FOXP2: variants seen among roughly 807,000 people sequenced by gnomAD.
FOXP2 encodes forkhead box protein P2.
In FOXP2, 12 loss-of-function variants were observed where a neutral mutation model predicts 115.8. The observed-to-expected ratio is 0.10, with a 90% CI of 0.07 to 0.17. FOXP2 has a LOEUF of 0.17. Ranked by LOEUF, FOXP2 falls within the 10% of genes least tolerant of loss-of-function variation. The probability of loss-of-function intolerance (pLI) is 1.00; values close to 1 mark genes in which losing one functional copy is unlikely to be tolerated. For synonymous variants in FOXP2, 328 were observed against 297.7 expected (o/e 1.10, Z -1.05); for missense variants, 629 against 843.5 (o/e 0.75, Z 3.15).
intron 1 of FOXP2, among the ~76,000 whole-genome samples, chr7:114,261,939 T>C (rs935985242): frequency 6.6e-5 from 10 of 152,056 alleles, no homozygotes; most frequent in Non-Finnish European, 1.5e-4. Context: ...CCACCTGTAA[T>C]CCCAGCAACT....
At chr7:114,664,533 GA>G in intron 16 of FOXP2, 97 bp downstream of exon 16, 3 of 1,412,832 alleles carry the variant, frequency 2.1e-6, no homozygotes, top group South Asian at 2.5e-5. Context: ...TGTATAAGTT[GA>G]AAATACAAAT....
At chr7:114,533,022 T>C (rs560477970) in intron 2 of FOXP2, among the ~76,000 whole-genome samples, 1 of 152,116 alleles carries the variant, frequency 6.6e-6, no homozygotes, top group East Asian at 1.9e-4. Flanking sequence ...ATTTTCAAAC[T>C]GAGCTCTATA....
chr7:114,247,343 C>T (rs1231476791), intron 1 of FOXP2, among the ~76,000 whole-genome samples: 1 of 152,136 alleles, frequency 6.6e-6, no homozygotes, highest in African/African-American at 2.4e-5. Context: ...CTTGATATTT[C>T]ACAGACATTT....
intron 2 of FOXP2, among the ~76,000 whole-genome samples, chr7:114,439,641 C>A (rs918344291): frequency 6.6e-6 from 1 of 152,060 alleles, no homozygotes; most frequent in African/African-American, 2.4e-5. Flanking sequence ...CACCTCCGGG[C>A]TAAAGCCATC....
At chr7:114,318,943 A>C (rs544827544) in intron 2 of FOXP2, among the ~76,000 whole-genome samples, 8 of 152,162 alleles carry the variant, frequency 5.3e-5, no homozygotes, top group Non-Finnish European at 7.3e-5. Flanking sequence ...CAGTAATAGG[A>C]AAACAACATC....
chr7:114,138,348 T>C (rs962928893), intron 1 of FOXP2, among the ~76,000 whole-genome samples: 26 of 151,482 alleles, frequency 1.7e-4, no homozygotes, highest in African/African-American at 5.8e-4. Flanking sequence ...TCATAGTATA[T>C]ATCCTCTGAG....
At chr7:114,211,435 T>C (rs1794346291) in intron 1 of FOXP2, among the ~76,000 whole-genome samples, 1 of 152,156 alleles carries the variant, frequency 6.6e-6, no homozygotes, top group Non-Finnish European at 1.5e-5. Flanking sequence ...CCACTTTCCT[T>C]GGCTGAGGGT....
At chr7:114,511,122 G>T (rs1798046821) in intron 2 of FOXP2, among the ~76,000 whole-genome samples, 1 of 152,038 alleles carries the variant, frequency 6.6e-6, no homozygotes, top group South Asian at 2.1e-4. Flanking sequence ...ATCAAGCACT[G>T]CATGTTCTCA....
intron 2 of FOXP2, among the ~76,000 whole-genome samples, chr7:114,515,778 C>T (rs1798310088): frequency 6.6e-6 from 1 of 152,124 alleles, no homozygotes; most frequent in Non-Finnish European, 1.5e-5. Context: ...GTGTTTTAGA[C>T]ATGAAGTCCT....
chr7:114,371,008 G>A (rs1221749789), intron 2 of FOXP2, among the ~76,000 whole-genome samples: 1 of 152,084 alleles, frequency 6.6e-6, no homozygotes, highest in Non-Finnish European at 1.5e-5. Context: ...CTCATAAAAT[G>A]TTCATTAGAT....
At position 114,692,348 on chromosome 7, in the gene FOXP2, A is replaced by G. The variant is rs557073339; in HGVS notation, c.*2422A>G. The G allele has an allele frequency of 6.6e-6, 3 of 453,948 alleles. No homozygotes were observed. The highest frequency in any genetic ancestry group is 1.4e-4 in the East Asian group (2 of 14,398). The allele number at this position is 453,948 out of a possible 1,614,324, so 28.1% of individuals were successfully genotyped here. ...TTTGCATGGGTTTTATATGAATACA[A>G]TTTTAAAAAATAGCTGCTTGCACAT... On this transcript the variant is annotated 3_prime_UTR_variant, in exon 17 of 17. Transcript: ENST00000350908.
At chr7:114,487,961 T>C (rs1055124673) in intron 2 of FOXP2, among the ~76,000 whole-genome samples, 4 of 152,190 alleles carry the variant, frequency 2.6e-5, no homozygotes, top group African/African-American at 9.6e-5. Context: ...TTCAGGTATA[T>C]TTACAACAGC....
intron 3 of FOXP2, among the ~76,000 whole-genome samples, chr7:114,577,234 A>G (rs1208139643): frequency 6.6e-6 from 1 of 151,968 alleles, no homozygotes; most frequent in Non-Finnish European, 1.5e-5. Context: ...ATGTCAGGTT[A>G]AGCAGCACGG....
At chr7:114,086,378 C>T (rs886346302), upstream of FOXP2, 2 of 399,554 alleles carry the variant, frequency 5.0e-6, no homozygotes, top group African/African-American at 4.4e-5. Context: ...GCCGCTTCGC[C>T]CTAGCTCTAG....
intron 2 of FOXP2, among the ~76,000 whole-genome samples, chr7:114,439,611 T>A (rs2129211641): frequency 6.6e-6 from 1 of 152,278 alleles, no homozygotes; most frequent in African/African-American, 2.4e-5. Context: ...AGTGGCGTGA[T>A]CTTAGCTCAC....
intron 2 of FOXP2, among the ~76,000 whole-genome samples, chr7:114,293,401 G>C (rs554112005): frequency 2.0e-5 from 3 of 152,216 alleles, no homozygotes; most frequent in African/African-American, 7.2e-5. Flanking sequence ...GAGGAACTAA[G>C]CCCTTTAGCA....
intron 6 of FOXP2, among the ~76,000 whole-genome samples, chr7:114,632,077 G>A (rs991773147): frequency 2.6e-5 from 4 of 152,190 alleles, no homozygotes; most frequent in South Asian, 2.1e-4. Context: ...GAGCTGATAG[G>A]AGTTTGGTGG....
intron 3 of FOXP2, chr7:114,561,284 C>T (rs1028556115): frequency 2.6e-5 from 4 of 152,094 alleles, no homozygotes; most frequent in African/African-American, 9.7e-5. Context: ...AGACTGCAGC[C>T]TTGTTTTAAT....
rs375630975 is a variant in FOXP2, at chr7:114,570,935, C to A, written c.258+36229C>A. Reference sequence around the variant, plus strand: ...AGCTACTAGGCACAAGGCCATGGACCCAGTCCCACTAAATAGATTATATGT... The same window carrying A: ...AGCTACTAGGCACAAGGCCATGGACACAGTCCCACTAAATAGATTATATGT... On this transcript the variant is annotated intron_variant, in intron 3 of 16. Transcript: ENST00000350908. The A allele has an allele frequency of 4.4e-5, 63 of 1,432,324 alleles. No homozygotes were observed. The African/African-American group carries it at 7.9e-4, about 18-fold the overall frequency. 88.7% of individuals were successfully genotyped at this position (1,432,324 alleles called of 1,614,324 possible).
Sources: allele counts gnomAD v4.1 joint callset (sites outside exome capture counted in the v4.1 genomes callset), GRCh38; gene constraint gnomAD v4.1.1; transcripts MANE v1.5; gene names NCBI Gene and HGNC (gene_info 2026-07-23, HGNC 2026-07-21).